Variants in CCL25 observed in about 807,000 individuals in gnomAD.
The protein encoded by CCL25 is C-C motif chemokine 25.
CCL25 carries 14 observed loss-of-function variants against 19.9 expected under a neutral mutation model. That is an observed-to-expected ratio of 0.70 (90% confidence interval 0.47 to 1.10). The LOEUF (loss-of-function observed/expected upper bound fraction) is 1.10, where lower values mean the gene tolerates loss of function less well. CCL25 is among the 50% of genes least tolerant of loss of function. The pLI, the probability that CCL25 is intolerant of heterozygous loss-of-function variation, is 0.00. For synonymous variants in CCL25, 68 were observed against 73.2 expected (o/e 0.93, Z 0.36); for missense variants, 151 against 181.2 (o/e 0.83, Z 0.96).
intron 5 of CCL25, among the ~76,000 whole-genome samples, chr19:8,058,166 C>T (rs1416208667): frequency 6.6e-6 from 1 of 151,254 alleles, no homozygotes; most frequent in Non-Finnish European, 1.5e-5. Context: ...AGCTCCAGGG[C>T]CCCCCAAAGC....
intron 2 of CCL25, among the ~76,000 whole-genome samples, chr19:8,054,691 C>G (rs1307212078): frequency 6.6e-6 from 1 of 151,856 alleles, no homozygotes; most frequent in Non-Finnish European, 1.5e-5. Context: ...CCCACAGTGC[C>G]TGTGCTTCCC....
chr19:8,059,418 C>G (rs985844819), intron 5 of CCL25, among the ~76,000 whole-genome samples: 3 of 151,322 alleles, frequency 2.0e-5, no homozygotes, highest in Non-Finnish European at 4.4e-5. Context: ...AGGCTGGTCT[C>G]TAACTTCTGG....
chr19:8,057,566 A>G (rs1406601981), intron 4 of CCL25, among the ~76,000 whole-genome samples: 1 of 152,116 alleles, frequency 6.6e-6, no homozygotes, highest in Non-Finnish European at 1.5e-5. Flanking sequence ...CCCTGGACTC[A>G]AGCAATCCAC....
Position 8,062,600 on chromosome 19 carries a change from G to T in CCL25, c.*375G>T. On this transcript the variant is annotated 3_prime_UTR_variant, in exon 6 of 6. Transcript: ENST00000315626. ...GGTCAGTTCAAGGATGCCCCTCCCA[G>T]GCTATGCTTTTCTATAACTTTTAAA... is the stretch of plus-strand genomic sequence containing the variant. 4.3e-6 allele frequency: 1 copy of T among 232,056 alleles called. No individual in the cohort carries two copies. Among genetic ancestry groups the T allele is most frequent in the Non-Finnish European group, 8.3e-6 (1 of 120,370 alleles). The allele number at this position is 232,056 out of a possible 1,614,324, so 14.4% of individuals were successfully genotyped here.
intron 5 of CCL25, among the ~76,000 whole-genome samples, chr19:8,060,270 G>A (rs1305899788): frequency 6.6e-6 from 1 of 152,014 alleles, no homozygotes; most frequent in Non-Finnish European, 1.5e-5. Context: ...GAGCCCAGGA[G>A]GTAGAGGTTG....
chr19:8,052,407 C>G (rs2081238423), upstream of CCL25, among the ~76,000 whole-genome samples: 2 of 151,876 alleles, frequency 1.3e-5, no homozygotes, highest in South Asian at 4.2e-4. Context: ...TGGGGACCCA[C>G]CAGGGAACAG....
At chr19:8,056,769 T>C (rs1466951208) in intron 4 of CCL25, among the ~76,000 whole-genome samples, 3 of 152,174 alleles carry the variant, frequency 2.0e-5, no homozygotes, top group Non-Finnish European at 4.4e-5. Context: ...GGCCTCAAAC[T>C]TGTGGGTTCA....
chr19:8,062,086 T>C, intron 5 of CCL25, 132 bp from the exon 6 acceptor site: 1 of 706,502 alleles, frequency 1.4e-6, no homozygotes. Context: ...TAAAAGATTC[T>C]AGCACTCCTA....
rs530231261 is a variant in CCL25, at chr19:8,062,265, G to T, written c.*40G>T. The T allele has an allele frequency of 1.2e-6, 2 of 1,611,280 alleles. No homozygotes were observed. The highest frequency in any genetic ancestry group is 1.7e-5 in the Admixed American group (1 of 59,972). ...GGGCTCCATCGGCACAGGAGGGGCC[G>T]GATCTTTCTCCGATAAAACCGTCGC... On this transcript the variant is annotated 3_prime_UTR_variant, in exon 6 of 6. Coordinates refer to ENST00000315626, the MANE Select transcript of CCL25 (RefSeq NM_005624.4).
chr19:8,053,292 C>T (rs529226705), intron 2 of CCL25, among the ~76,000 whole-genome samples, 170 bp downstream of exon 2: 3 of 152,156 alleles, frequency 2.0e-5, no homozygotes, highest in East Asian at 3.9e-4. Context: ...GGGATGGGGT[C>T]GGGGAGATGG....
intron 5 of CCL25, among the ~76,000 whole-genome samples, chr19:8,059,772 A>G (rs1329354049): frequency 6.6e-6 from 1 of 151,996 alleles, no homozygotes; most frequent in Non-Finnish European, 1.5e-5. Flanking sequence ...TAGCACTTTG[A>G]GAGGCTGAGG....
chr19:8,057,250 C>T (rs2081279277), intron 4 of CCL25, among the ~76,000 whole-genome samples: 1 of 152,042 alleles, frequency 6.6e-6, no homozygotes, highest in African/African-American at 2.4e-5. Flanking sequence ...GAACTCCTGA[C>T]CTCAGATGAT....
At position 8,062,257 on chromosome 19, in the gene CCL25, G is replaced by A. The variant is rs773779268; in HGVS notation, c.*32G>A. On this transcript the variant is annotated 3_prime_UTR_variant, in exon 6 of 6. Transcript: ENST00000315626. ...TCATTTCTGGGCTCCATCGGCACAG[G>A]AGGGGCCGGATCTTTCTCCGATAAA... The A allele has an allele frequency of 5.0e-6, 8 of 1,612,170 alleles. No homozygotes were observed. The highest frequency in any genetic ancestry group is 1.3e-5 in the African/African-American group (1 of 74,974).
chr19:8,057,399 A>G (rs2081280500), intron 4 of CCL25, among the ~76,000 whole-genome samples: 1 of 151,924 alleles, frequency 6.6e-6, no homozygotes, highest in African/African-American at 2.4e-5. Flanking sequence ...GCACAATCAC[A>G]TCTCACTGCA....
Position 8,053,041 on chromosome 19 carries a change from G to C in CCL25, c.-9G>C, listed in dbSNP as rs1487726037. Reference sequence around the variant, plus strand: ...TCCAGGTGCCCAGGGAGGAGGACCCGCCTGCAGCATGAACCTGTGGCTCCT... The same window carrying C: ...TCCAGGTGCCCAGGGAGGAGGACCCCCCTGCAGCATGAACCTGTGGCTCCT... On this transcript the variant is annotated 5_prime_UTR_variant, in exon 2 of 6. Coordinates refer to ENST00000315626, the MANE Select transcript of CCL25 (RefSeq NM_005624.4). 1.3e-6 allele frequency: 2 copies of C among 1,548,416 alleles called. No homozygotes were observed. The highest frequency in any genetic ancestry group is 2.4e-5 in the East Asian group (1 of 40,948).
At position 8,058,428 on chromosome 19, in the gene CCL25, T is replaced by C. The variant is rs1027384672; in HGVS notation, c.445+508T>C. Among the ~76,000 whole-genome samples the C allele has an allele frequency of 3.0e-3, 250 of 82,636 alleles. 3 individuals carry two copies. The highest frequency in any genetic ancestry group is 0.013 in the African/African-American group (238 of 17,702). 54.2% of individuals were successfully genotyped at this position (82,636 alleles called of 152,430 possible). The stretch of plus-strand genomic sequence containing the variant: ...TATATAAATATATATAATATATAAG[T>C]AAATATATAATATATAAATATATAT... On this transcript the variant is annotated intron_variant, in intron 5 of 5. Transcript: ENST00000315626.
At chr19:8,053,238 C>T (rs1163976625) in intron 2 of CCL25, 116 bp downstream of exon 2, 7 of 591,604 alleles carry the variant, frequency 1.2e-5, no homozygotes, top group Non-Finnish European at 1.1e-5. Context: ...ACTGAATTCT[C>T]CCGCTCCTGA....
At position 8,056,452 on chromosome 19, in the gene CCL25, G is replaced by C; in HGVS notation, c.278G>C (p.Arg93Pro). The C allele has an allele frequency of 1.2e-6, 2 of 1,614,140 alleles. No individual in the cohort carries two copies. The highest frequency in any genetic ancestry group is 2.2e-5 in the East Asian group (1 of 44,888). ...AGAGCCATGAAGCTCCTGGATGCTC[G>C]AAATAAGGTTTTTGCAAAGCTCCAC... is the stretch of plus-strand genomic sequence containing the variant. ...VQRAMKLLDARNKVFAKLHHN... is the reference protein window; with the variant it reads ...VQRAMKLLDAPNKVFAKLHHN... Residue 93 changes from arginine to proline, a missense_variant, in exon 4 of 6, where the codon CGA (arginine) becomes CCA (proline). Coordinates refer to ENST00000315626, the MANE Select transcript of CCL25 (RefSeq NM_005624.4).
intron 2 of CCL25, among the ~76,000 whole-genome samples, chr19:8,054,210 C>T (rs2081252548): frequency 6.6e-6 from 1 of 152,196 alleles, no homozygotes; most frequent in African/African-American, 2.4e-5. Flanking sequence ...CCTGTCTGCC[C>T]CCACCTGACC....
Sources: allele counts gnomAD v4.1 joint callset (sites outside exome capture counted in the v4.1 genomes callset), GRCh38; gene constraint gnomAD v4.1.1; transcripts MANE v1.5; gene names NCBI Gene and HGNC (gene_info 2026-07-23, HGNC 2026-07-21).